MYO18B: variants seen among roughly 807,000 people sequenced by gnomAD.
MYO18B encodes the protein myosin XVIIIB, also known as unconventional myosin-XVIIIb.
MYO18B carries 204 observed loss-of-function variants against 273.0 expected under a neutral mutation model. The ratio of observed to expected loss-of-function variants is 0.75; its 90% CI spans 0.67 to 0.84. MYO18B has a LOEUF of 0.84. MYO18B is among the 40% of genes least tolerant of loss of function. MYO18B has a pLI of 0.00. For missense variants in MYO18B, 3,212 were observed against 3,287.6 expected, an observed-to-expected ratio of 0.98 and a Z score of 0.56; for synonymous variants, 1,330 against 1,305.7, an observed-to-expected ratio of 1.02 and a Z score of -0.40.
intron 39 of MYO18B, among the ~76,000 whole-genome samples, chr22:25,985,927 C>T (rs2093197638): frequency 6.6e-6 from 1 of 152,228 alleles, no homozygotes; most frequent in African/African-American, 2.4e-5. Context: ...CCGCCCCGCC[C>T]AGCCTACAGG....
intron 12 of MYO18B, among the ~76,000 whole-genome samples, chr22:25,820,598 T>C (rs2089239613): frequency 6.6e-6 from 1 of 152,258 alleles, no homozygotes; most frequent in South Asian, 2.1e-4. Context: ...TACATAGTGG[T>C]GTTTCTAAAC....
At chr22:25,944,104 C>T (rs1174986238) in intron 34 of MYO18B, among the ~76,000 whole-genome samples, 1 of 152,166 alleles carries the variant, frequency 6.6e-6, no homozygotes, top group Non-Finnish European at 1.5e-5. Context: ...GCTGGTTTTG[C>T]CCTGCCTGCC....
chr22:25,849,468 A>G (rs1310539079), intron 20 of MYO18B, among the ~76,000 whole-genome samples: 2 of 152,176 alleles, frequency 1.3e-5, no homozygotes, highest in East Asian at 1.9e-4. Flanking sequence ...GAATCTGTGC[A>G]TATATAATAT....
the MYO18B span, among the ~76,000 whole-genome samples, chr22:26,045,863 A>T: frequency 1.3e-5 from 2 of 152,222 alleles, no homozygotes; most frequent in Non-Finnish European, 2.9e-5. Context: ...AGCAATAAAC[A>T]GTTACCCGTG....
chr22:25,834,647 A>T (rs756746422), intron 16 of MYO18B, among the ~76,000 whole-genome samples: 2 of 152,084 alleles, frequency 1.3e-5, no homozygotes, highest in Non-Finnish European at 1.5e-5. Flanking sequence ...CCAACTCCTT[A>T]TGGGCCCTCA....
At chr22:25,755,292 C>T (rs933246665) in intron 1 of MYO18B, among the ~76,000 whole-genome samples, 6 of 152,060 alleles carry the variant, frequency 3.9e-5, no homozygotes, top group South Asian at 2.1e-4. Flanking sequence ...CCGCAACCTC[C>T]GCCTCCCAGG....
intron 40 of MYO18B, among the ~76,000 whole-genome samples, chr22:25,995,288 T>A (rs1304720459): frequency 6.6e-6 from 1 of 152,156 alleles, no homozygotes; most frequent in African/African-American, 2.4e-5. Flanking sequence ...GGCTAATGGG[T>A]ACAAAAATGT....
rs1386050794 is a variant in MYO18B, at chr22:25,776,652, G to A, written c.1870-931G>A. The stretch of plus-strand genomic sequence containing the variant: ...AACAACAGGTTGGGTGATTATCCTA[G>A]TTCACTAGTTGAAGGACATTTGTGT... On this transcript the variant is annotated intron_variant, in intron 7 of 43. Transcript: ENST00000335473. Among the ~76,000 whole-genome samples the A allele has an allele frequency of 3.9e-5, 6 of 152,194 alleles. No individual in the cohort carries two copies. In the East Asian group the frequency reaches 1.2e-3, roughly 29 times the overall value.
rs578110056 is a variant in MYO18B at position 25,860,587 on chromosome 22, C to T, written c.3886-7733C>T. On this transcript the variant is annotated intron_variant, in intron 21 of 43. Transcript: ENST00000335473. ...TCCTAGTGTGATTTCTTCTTTGGCCCGTTGTTTATTAAGAAGTGTATTAAT... is the reference window on the plus strand; with the variant it reads ...TCCTAGTGTGATTTCTTCTTTGGCCTGTTGTTTATTAAGAAGTGTATTAAT... 3.3e-5 allele frequency among the ~76,000 whole-genome samples: 5 copies of T among 152,186 alleles called. No individual in the cohort carries two copies. In the South Asian group the frequency reaches 8.3e-4, roughly 25 times the overall value.
At position 25,886,716 on chromosome 22, in the gene MYO18B, A is replaced by C. The variant is rs569614787; in HGVS notation, c.4315-4040A>C. On this transcript the variant is annotated intron_variant, in intron 25 of 43. Coordinates refer to ENST00000335473, the MANE Select transcript of MYO18B (RefSeq NM_032608.7). ...CTAACCTCCAGATGCCAGAGGGGTG[A>C]GGGAGGTCAAAGAAAGGGTCAGATG... 1.1e-4 allele frequency among the ~76,000 whole-genome samples: 17 copies of C among 152,234 alleles called. No homozygotes were observed. In the South Asian group the frequency reaches 3.5e-3, roughly 32 times the overall value.
Position 25,807,244 on chromosome 22 carries a change from C to T in MYO18B, c.2521+9147C>T, listed in dbSNP as rs1288001274. 2.6e-5 allele frequency among the ~76,000 whole-genome samples: 4 copies of T among 152,208 alleles called. No individual in the cohort carries two copies. In the East Asian group the frequency reaches 7.7e-4, roughly 29 times the overall value. ...GACTCTCAGCTCAGTGCTCTTTACA[C>T]AGCTTAGCAGAAGGCCCGAGAGGCC... is the stretch of plus-strand genomic sequence containing the variant. On this transcript the variant is annotated intron_variant, in intron 12 of 43. Coordinates refer to ENST00000335473, the MANE Select transcript of MYO18B (RefSeq NM_032608.7).
chr22:26,002,834 GT>G (rs879794345), intron 40 of MYO18B, among the ~76,000 whole-genome samples: 3 of 152,184 alleles, frequency 2.0e-5, no homozygotes, highest in Non-Finnish European at 4.4e-5. Flanking sequence ...TAGTATTGGA[GT>G]TTCCCACAAT....
chr22:25,794,802 C>A (rs771275038), intron 11 of MYO18B, among the ~76,000 whole-genome samples: 105 of 152,308 alleles, frequency 6.9e-4, no homozygotes, highest in Admixed American at 4.4e-3. Context: ...CTGCACCCAG[C>A]CAATGTTAAT....
intron 1 of MYO18B, among the ~76,000 whole-genome samples, chr22:25,751,910 G>A (rs938143561): frequency 6.6e-6 from 1 of 152,164 alleles, no homozygotes; most frequent in African/African-American, 2.4e-5. Flanking sequence ...GATTGAGAGA[G>A]GTTACCAGGG....
At chr22:25,981,611 G>A (rs2093149349) in intron 39 of MYO18B, among the ~76,000 whole-genome samples, 1 of 152,200 alleles carries the variant, frequency 6.6e-6, no homozygotes, top group Non-Finnish European at 1.5e-5. Flanking sequence ...CTGGTGTGAT[G>A]GTACATGCCT....
At chr22:26,034,988 G>T (rs181263560), downstream of MYO18B, among the ~76,000 whole-genome samples, 16 of 152,308 alleles carry the variant, frequency 1.1e-4, no homozygotes, top group East Asian at 9.7e-4. Flanking sequence ...GTTTACTGTG[G>T]GGGACGGGTA....
At chr22:26,039,193 C>A in the MYO18B span, among the ~76,000 whole-genome samples, 3 of 152,162 alleles carry the variant, frequency 2.0e-5, no homozygotes, top group East Asian at 5.8e-4. Context: ...CTTTCTCTCC[C>A]AGTCCACTGA....
At position 25,892,405 on chromosome 22, in the gene MYO18B, G is replaced by C. The variant is rs891827262; in HGVS notation, c.4543+993G>C. 6 of 152,214 alleles carry C rather than the reference G, an allele frequency of 3.9e-5. No individual in the cohort carries two copies. The South Asian group carries it at 1.2e-3, about 32-fold the overall frequency. 9.4% of individuals were successfully genotyped at this position (152,214 alleles called of 1,614,324 possible). ...AGGGATATTATACATTTGTTCAGTA[G>C]TGCCAGGAGTTTCTGGAGGTGTCCT... On this transcript the variant is annotated intron_variant, in intron 27 of 43. Transcript: ENST00000335473.
Position 25,769,304 on chromosome 22 carries a change from T to G in MYO18B, c.1388T>G (p.Leu463Arg). The change falls in exon 4 of 44, where the codon CTG becomes CGG. Residue 463 changes from leucine (L) to arginine (R), a missense_variant. Coordinates refer to ENST00000335473, the MANE Select transcript of MYO18B (RefSeq NM_032608.7). ...GGGGCTGGTGCCCTGGAGACAGAGC[T>G]GGAAGGACCCAGCCAGCCTGCTCTG... Reference protein sequence around the residue: ...GDGAGALETELEGPSQPALEK... With the variant: ...GDGAGALETEREGPSQPALEK... 1 of 1,580,586 alleles carries G rather than the reference T, an allele frequency of 6.3e-7. No homozygotes were observed. Among genetic ancestry groups the G allele is most frequent in the Non-Finnish European group, 8.6e-7 (1 of 1,164,030 alleles).
Sources: allele counts gnomAD v4.1 joint callset (sites outside exome capture counted in the v4.1 genomes callset), GRCh38; gene constraint gnomAD v4.1.1; transcripts MANE v1.5; gene names NCBI Gene and HGNC (gene_info 2026-07-23, HGNC 2026-07-21).